L1TD1: variants seen among roughly 807,000 people sequenced by gnomAD.
The protein encoded by L1TD1 is LINE-1 type transposase domain-containing protein 1.
Under a neutral mutation model 25.7 loss-of-function variants are expected in L1TD1, and 26 were observed. The observed-to-expected ratio is 1.01, with a 90% CI of 0.74 to 1.40. The LOEUF (loss-of-function observed/expected upper bound fraction) is 1.40, where lower values mean the gene tolerates loss of function less well. L1TD1 is among the 40% of genes most tolerant of loss of function. The pLI is 0.00. For missense variants in L1TD1, 1,130 were observed against 975.0 expected (o/e 1.16, Z -2.12); for synonymous variants, 421 against 335.6 (o/e 1.25, Z -2.78).
chr1:62,196,470 G>C lies in L1TD1; in HGVS notation c.-169G>C, dbSNP rs990813489. 1 of 152,162 alleles carries C rather than the reference G, an allele frequency of 6.6e-6. No individual in the cohort carries two copies. Among genetic ancestry groups the C allele is most frequent in the Admixed American group, 6.5e-5 (1 of 15,270 alleles). 9.4% of individuals were successfully genotyped at this position (152,162 alleles called of 1,614,324 possible). A position where few individuals can be genotyped will look rare whatever the true frequency, so the allele number is the denominator to read the frequency against. On this transcript the variant is annotated 5_prime_UTR_variant, in exon 2 of 4. Transcript: ENST00000498273. The stretch of plus-strand genomic sequence containing the variant: ...ACAGCTTAGAGTAGACCCGAGTCCT[G>C]CTCTGCGGAGTTCGTCTTCCCAGCG...
Position 62,211,096 on chromosome 1 carries a change from A to G in L1TD1, c.2322A>G (p.Ile774Met). The change falls in exon 4 of 4, where the codon ATA (isoleucine) becomes ATG (methionine). Residue 774 changes from isoleucine to methionine, a missense_variant. Transcript: ENST00000498273. Reference sequence around the variant, plus strand: ...ATTCTAGTGATAAAGAGAAAATAATAAGGGCTTCTAGAGAGAGAAGAGAAA... The same window carrying G: ...ATTCTAGTGATAAAGAGAAAATAATGAGGGCTTCTAGAGAGAGAAGAGAAA... ...FWNSSDKEKI[I>M]RASRERREIT... is the part of the protein sequence containing the mutation. The G allele has an allele frequency of 6.4e-7, 1 of 1,550,712 alleles. No homozygotes were observed.
intron 3 of L1TD1, chr1:62,208,510 T>C (rs1409412744): frequency 1.4e-5 from 2 of 144,950 alleles, no homozygotes; most frequent in African/African-American, 5.1e-5. Context: ...GATAAAGTCT[T>C]GCTCTATTGC....
chr1:62,198,754 C>T (rs1369193027), intron 2 of L1TD1, among the ~76,000 whole-genome samples: 1 of 150,762 alleles, frequency 6.6e-6, no homozygotes, highest in Non-Finnish European at 1.5e-5. Context: ...AACCGGTGCT[C>T]TCCTGTATTG....
chr1:62,207,209 T>A lies in L1TD1; in HGVS notation c.581T>A (p.Phe194Tyr). Residue 194 changes from phenylalanine (F) to tyrosine (Y), a missense_variant, in exon 3 of 4, where the codon TTT becomes TAT. Physicochemically the swap from Phe to Tyr is conservative, Grantham distance 22. Coordinates refer to ENST00000498273, the MANE Select transcript of L1TD1 (RefSeq NM_019079.5). The part of the protein sequence containing the change: ...RDGNRNVHLE[F>Y]TERESRKDGE... ...GGAAATCGCAATGTCCATTTAGAAT[T>A]TACAGAAAGAGAGAGTAGGAAGGAT... is the stretch of plus-strand genomic sequence containing the variant. The A allele has an allele frequency of 6.4e-7, 1 of 1,551,676 alleles. No homozygotes were observed. Among genetic ancestry groups the A allele is most frequent in the Non-Finnish European group, 8.7e-7 (1 of 1,147,020 alleles).
chr1:62,201,138 AG>A (rs1318970495), intron 2 of L1TD1, among the ~76,000 whole-genome samples: 1 of 152,112 alleles, frequency 6.6e-6, no homozygotes, highest in African/African-American at 2.4e-5. Context: ...CATGTTGGCC[AG>A]GCTGGTCTGG....
chr1:62,207,976 G>C (rs1200047181), intron 3 of L1TD1, among the ~76,000 whole-genome samples: 2 of 152,200 alleles, frequency 1.3e-5, no homozygotes, highest in African/African-American at 4.8e-5. Context: ...CCAAAGTGCT[G>C]GGATTACAGG....
intron 2 of L1TD1, among the ~76,000 whole-genome samples, chr1:62,205,371 CTTT>C (rs1557443327): frequency 2.9e-4 from 28 of 97,086 alleles, no homozygotes; most frequent in African/African-American, 9.7e-4. Context: ...CGAAAACTCT[CTTT>C]CTCTCTCTCT....
In L1TD1 at chr1:62,210,964, A is replaced by G. The variant is rs1421046098; in HGVS notation, c.2190A>G (p.Ala730=). 5.2e-6 allele frequency: 8 copies of G among 1,545,244 alleles called. No homozygotes were observed. The South Asian group carries it at 7.3e-5, about 14-fold the overall frequency. The change falls in exon 4 of 4, where the codon GCA becomes GCG. Residue 730 remains alanine, a synonymous_variant. Coordinates refer to ENST00000498273, the MANE Select transcript of L1TD1 (RefSeq NM_019079.5). ...IIKEIIDENF[A]ELKKGSSLEI... is the part of the protein sequence containing the mutation. ...AAGAAATAATTGATGAAAACTTTGC[A>G]GAACTAAAGAAAGGTTCAAGTCTTG...
rs1256670999 is a variant in L1TD1, at chr1:62,207,551, C to G, written c.923C>G (p.Ser308Cys). The change falls in exon 3 of 4, where the codon TCT (serine) becomes TGT (cysteine). Residue 308 changes from serine (S) to cysteine (C), a missense_variant. Physicochemically the swap from Ser to Cys is moderately radical, Grantham distance 112 (BLOSUM62 -1). Transcript: ENST00000498273. The stretch of plus-strand genomic sequence containing the variant: ...AGAAAATTTGCCAGCCAAAAATCTT[C>G]TGTGAAAGAATTACTGAAAGATGTA... ...SLRKFASQKS[S>C]VKELLKDVLP... 2 of 1,550,870 alleles carry G rather than the reference C, an allele frequency of 1.3e-6. No individual in the cohort carries two copies. Among genetic ancestry groups the G allele is most frequent in the East Asian group, 4.9e-5 (2 of 40,892 alleles).
rs574236429 is a variant in L1TD1 at position 62,202,854 on chromosome 1, T to A, written c.-110-3665T>A. ...ACCCACCACCACGCCCAGCTAAATCTGTATTTGTAGTAGAGACAGGGTTTC... is the reference window on the plus strand; with the variant it reads ...ACCCACCACCACGCCCAGCTAAATCAGTATTTGTAGTAGAGACAGGGTTTC... On this transcript the variant is annotated intron_variant, in intron 2 of 3. Transcript: ENST00000498273. 3.1e-4 allele frequency among the ~76,000 whole-genome samples: 47 copies of A among 152,092 alleles called. 1 individual carries two copies. Among genetic ancestry groups the A allele is most frequent in the Admixed American group, 5.9e-4 (9 of 15,264 alleles).
chr1:62,198,748 G>C (rs571753794), intron 2 of L1TD1, among the ~76,000 whole-genome samples: 1 of 151,448 alleles, frequency 6.6e-6, no homozygotes, highest in Admixed American at 6.6e-5. Context: ...CTTTCCAACC[G>C]GTGCTCTCCT....
In L1TD1 at chr1:62,207,360, C is replaced by T; in HGVS notation, c.732C>T (p.Thr244=). Residue 244 remains threonine, a synonymous_variant, in exon 3 of 4, where the codon ACC becomes ACT. Transcript: ENST00000498273. ...KVLMDEGAVL[T]LVADLSSATL... The stretch of plus-strand genomic sequence containing the variant: ...TGATGGATGAAGGAGCAGTACTTAC[C>T]CTGGTAGCCGACCTTTCATCAGCAA... 6.4e-7 allele frequency: 1 copy of T among 1,551,506 alleles called. No homozygotes were observed. Among genetic ancestry groups the T allele is most frequent in the Non-Finnish European group, 8.7e-7 (1 of 1,146,944 alleles).
intron 2 of L1TD1, among the ~76,000 whole-genome samples, chr1:62,205,409 CTCTCTCTCTATA>C (rs1199957860): frequency 2.8e-5 from 1 of 36,016 alleles, no homozygotes; most frequent in Non-Finnish European, 5.0e-5. Flanking sequence ...CTCTCTCTCT[CTCTCTCTCTATA>C]TATATATATA....
In L1TD1 at chr1:62,207,017, A is replaced by G; in HGVS notation, c.389A>G (p.Asn130Ser). ...EGENSKIGDD[N>S]ENLTFKLEVN... ...GAAAACTCTAAAATAGGTGATGATA[A>G]TGAAAATTTAACCTTTAAATTAGAA... Residue 130 changes from asparagine (N) to serine (S), a missense_variant, in exon 3 of 4, where the codon AAT becomes AGT. Physicochemically the swap from Asn to Ser is conservative, Grantham distance 46. Coordinates refer to ENST00000498273, the MANE Select transcript of L1TD1 (RefSeq NM_019079.5). The G allele has an allele frequency of 6.2e-7, 1 of 1,613,390 alleles. No individual in the cohort carries two copies. Among genetic ancestry groups the G allele is most frequent in the Non-Finnish European group, 8.5e-7 (1 of 1,179,798 alleles).
At position 62,206,978 on chromosome 1, in the gene L1TD1, G is replaced by A. The variant is rs1330956137; in HGVS notation, c.350G>A (p.Gly117Glu). 6.2e-7 allele frequency: 1 copy of A among 1,612,996 alleles called. No individual in the cohort carries two copies. Among genetic ancestry groups the A allele is most frequent in the Non-Finnish European group, 8.5e-7 (1 of 1,179,740 alleles). Residue 117 changes from glycine (G) to glutamate (E), a missense_variant, in exon 3 of 4, where the codon GGG becomes GAG. Transcript: ENST00000498273. ...NLALQKTGMV[G>E]KIEGENSKIG... ...GCATTACAAAAAACAGGGATGGTAGGGAAAATAGAAGGAGAAAACTCTAAA... is the reference window on the plus strand; with the variant it reads ...GCATTACAAAAAACAGGGATGGTAGAGAAAATAGAAGGAGAAAACTCTAAA...
chr1:62,201,892 T>C (rs146675253), intron 2 of L1TD1, among the ~76,000 whole-genome samples: 264 of 152,306 alleles, frequency 1.7e-3, no homozygotes, highest in African/African-American at 6.1e-3. Context: ...CCTTTATTCC[T>C]GTTGAAGTCC....
chr1:62,210,654 A>G lies in L1TD1; in HGVS notation c.1880A>G (p.Glu627Gly), dbSNP rs1382788138. The G allele has an allele frequency of 2.0e-5, 31 of 1,566,444 alleles. No homozygotes were observed. The highest frequency in any genetic ancestry group is 2.5e-5 in the Non-Finnish European group (29 of 1,154,948). The change falls in exon 4 of 4, where the codon GAG (glutamate) becomes GGG (glycine). Residue 627 changes from glutamate to glycine, a missense_variant. By Grantham distance (98) the Glu-to-Gly change is moderately conservative. Coordinates refer to ENST00000498273, the MANE Select transcript of L1TD1 (RefSeq NM_019079.5). ...LRSSVINSIR[E>G]IKEEIGNLKS... is the part of the protein sequence containing the mutation. Reference sequence around the variant, plus strand: ...AGTAGTGTGATTAATAGCATCAGAGAGATAAAAGAGGAGATTGGAAATTTG... The same window carrying G: ...AGTAGTGTGATTAATAGCATCAGAGGGATAAAAGAGGAGATTGGAAATTTG...
chr1:62,210,721 A>G lies in L1TD1; in HGVS notation c.1947A>G (p.Val649=). Residue 649 remains valine (V), a synonymous_variant, in exon 4 of 4, where the codon GTA becomes GTG. Coordinates refer to ENST00000498273, the MANE Select transcript of L1TD1 (RefSeq NM_019079.5). ...HSGVLEIENS[V]DDLSSRMDIL... is the part of the protein sequence containing the mutation. ...GTGTCTTGGAAATTGAAAATTCAGT[A>G]GATGATCTGAGTAGCAGAATGGACA... The G allele has an allele frequency of 6.4e-7, 1 of 1,551,796 alleles. No individual in the cohort carries two copies. Among genetic ancestry groups the G allele is most frequent in the Non-Finnish European group, 8.7e-7 (1 of 1,147,000 alleles).
intron 2 of L1TD1, among the ~76,000 whole-genome samples, chr1:62,199,386 A>G (rs1317258794): frequency 1.3e-5 from 2 of 151,816 alleles, no homozygotes; most frequent in Non-Finnish European, 2.9e-5. Context: ...TTGTCCCAGC[A>G]ACTCAGGAGG....
Sources: allele counts gnomAD v4.1 joint callset (sites outside exome capture counted in the v4.1 genomes callset), GRCh38; gene constraint gnomAD v4.1.1; transcripts MANE v1.5; gene names NCBI Gene and HGNC (gene_info 2026-07-23, HGNC 2026-07-21).